TMCO4: variants seen among roughly 807,000 people sequenced by gnomAD.
TMCO4 encodes the protein transmembrane and coiled-coil domains 4.
In TMCO4, 58 loss-of-function variants were observed where a neutral mutation model predicts 64.7. The observed-to-expected ratio is 0.90, with a 90% CI of 0.73 to 1.12. The LOEUF is 1.12. Ranked by LOEUF, TMCO4 falls within the 50% of genes most tolerant of loss-of-function variation. The probability of loss-of-function intolerance (pLI) is 0.00; values close to 1 mark genes in which losing one functional copy is unlikely to be tolerated. For synonymous variants in TMCO4, 325 were observed against 346.1 expected, an observed-to-expected ratio of 0.94 and a Z score of 0.68; for missense variants, 780 against 825.9, an observed-to-expected ratio of 0.94 and a Z score of 0.68.
intron 4 of TMCO4, 105 bp from the exon 5 acceptor site, chr1:19,771,587 T>C (rs2042985694): frequency 1.9e-6 from 2 of 1,069,678 alleles, no homozygotes; most frequent in Admixed American, 5.3e-5. Context: ...GGCACGTGCC[T>C]GACTTACTGA....
intron 11 of TMCO4, among the ~76,000 whole-genome samples, 158 bp from the exon 12 acceptor site, chr1:19,740,118 T>C (rs1273657928): frequency 6.6e-6 from 1 of 152,046 alleles, no homozygotes; most frequent in Non-Finnish European, 1.5e-5. Context: ...AATCCGAAAC[T>C]CATGAATTTC....
intron 3 of TMCO4, among the ~76,000 whole-genome samples, chr1:19,784,796 G>A (rs917533028): frequency 1.8e-5 from 2 of 112,664 alleles, no homozygotes; most frequent in African/African-American, 6.8e-5. Flanking sequence ...AGAAGAATTG[G>A]TTTGGGCCAC....
At chr1:19,768,735 T>A (rs1019055795) in intron 6 of TMCO4, among the ~76,000 whole-genome samples, 3 of 152,146 alleles carry the variant, frequency 2.0e-5, no homozygotes, top group African/African-American at 7.2e-5. Context: ...AACACACTCT[T>A]TGGAGCCTTA....
chr1:19,689,952 A>C (rs2095179086), intron 15 of TMCO4, among the ~76,000 whole-genome samples: 1 of 152,212 alleles, frequency 6.6e-6, no homozygotes, highest in Non-Finnish European at 1.5e-5. Flanking sequence ...AAACAGCCTG[A>C]AGGCTGAAAG....
chr1:19,781,641 CT>C (rs1202912744), intron 3 of TMCO4, among the ~76,000 whole-genome samples: 26,811 of 134,258 alleles, frequency 0.2, 1,629 homozygotes, highest in East Asian at 0.38. Context: ...ACAGAACTTT[CT>C]TTTTTTTTTT....
chr1:19,727,609 T>C (rs1449865721), intron 13 of TMCO4, among the ~76,000 whole-genome samples: 1 of 152,184 alleles, frequency 6.6e-6, no homozygotes, highest in African/African-American at 2.4e-5. Flanking sequence ...ATTGCTTTGA[T>C]TGAAAACATC....
intron 7 of TMCO4, among the ~76,000 whole-genome samples, chr1:19,747,560 T>C (rs2041847603): frequency 6.6e-6 from 1 of 152,026 alleles, no homozygotes; most frequent in Non-Finnish European, 1.5e-5. Context: ...ACAAAAAAGA[T>C]CTTTAAACAG....
In TMCO4 at chr1:19,683,256, C is replaced by T. The variant is rs1243631595; in HGVS notation, c.1689G>A (p.Gln563=). Residue 563 remains glutamine, a synonymous_variant, in exon 16 of 16, where the codon CAG becomes CAA. Transcript: ENST00000294543. ...GETPHQVGQT[Q]GPISGDTSKL... is the part of the protein sequence containing the mutation. The stretch of plus-strand genomic sequence containing the variant: ...TGGAGGTGTCTCCGGATATGGGACC[C>T]TGGGTTTGCCCAACCTGGTGGGGGG... 2.5e-6 allele frequency: 4 copies of T among 1,614,192 alleles called. No individual in the cohort carries two copies. The highest frequency in any genetic ancestry group is 3.4e-6 in the Non-Finnish European group (4 of 1,180,026).
chr1:19,748,320 C>T (rs1300965862), intron 7 of TMCO4, among the ~76,000 whole-genome samples: 3 of 152,224 alleles, frequency 2.0e-5, no homozygotes, highest in Non-Finnish European at 2.9e-5. Flanking sequence ...ATTTCTACCT[C>T]ATAAAGTTGT....
intron 13 of TMCO4, among the ~76,000 whole-genome samples, chr1:19,725,537 T>C (rs1421808726): frequency 6.6e-6 from 1 of 152,144 alleles, no homozygotes; most frequent in Non-Finnish European, 1.5e-5. Context: ...GGTCCCATAG[T>C]GAGTGCTCAG....
At chr1:19,697,637 T>A (rs1379435760) in intron 14 of TMCO4, among the ~76,000 whole-genome samples, 6 of 150,854 alleles carry the variant, frequency 4.0e-5, no homozygotes, top group African/African-American at 1.5e-4. Flanking sequence ...CTCGCTCTGT[T>A]GCTCAGGCTG....
intron 10 of TMCO4, among the ~76,000 whole-genome samples, chr1:19,742,084 AC>A (rs2100853652): frequency 6.6e-6 from 1 of 151,722 alleles, no homozygotes; most frequent in South Asian, 2.1e-4. Context: ...CCTGCCTAAA[AC>A]CCTTCATGAG....
chr1:19,685,716 T>C (rs397863875), intron 15 of TMCO4, among the ~76,000 whole-genome samples: 31,729 of 134,748 alleles, frequency 0.24, 4,607 homozygotes, highest in African/African-American at 0.42. Context: ...GTTTCTTTTT[T>C]TTTTTTTTTT....
At chr1:19,684,541 A>G (rs117384046) in intron 15 of TMCO4, among the ~76,000 whole-genome samples, 1 of 152,162 alleles carries the variant, frequency 6.6e-6, no homozygotes, top group Admixed American at 6.5e-5. Flanking sequence ...CCGCTGTAAA[A>G]AGGGGAACAC....
At position 19,683,003 on chromosome 1, in the gene TMCO4, G is replaced by A; in HGVS notation, c.*37C>T. ...GAGGGTATAAGAGAGAGCTGCATATGGAGACTGGGGAAGACGGCTCAGGTC... is the reference window on the plus strand; with the variant it reads ...GAGGGTATAAGAGAGAGCTGCATATAGAGACTGGGGAAGACGGCTCAGGTC... On this transcript the variant is annotated 3_prime_UTR_variant, in exon 16 of 16. Coordinates refer to ENST00000294543, the MANE Select transcript of TMCO4 (RefSeq NM_181719.7). 6.5e-7 allele frequency: 1 copy of A among 1,529,596 alleles called. No individual in the cohort carries two copies. Among genetic ancestry groups the A allele is most frequent in the Non-Finnish European group, 8.8e-7 (1 of 1,142,396 alleles). The allele number at this position is 1,529,596 out of a possible 1,614,324, so 94.8% of individuals were successfully genotyped here. A position where few individuals can be genotyped will look rare whatever the true frequency, so the allele number is the denominator to read the frequency against.
chr1:19,716,466 G>A (rs1046115071), intron 13 of TMCO4, among the ~76,000 whole-genome samples: 4 of 148,206 alleles, frequency 2.7e-5, no homozygotes, highest in Non-Finnish European at 4.4e-5. Context: ...TCCCGACCTC[G>A]TGATTTGCCT....
At chr1:19,683,758 C>CTT (rs531431284) in intron 15 of TMCO4, among the ~76,000 whole-genome samples, 961 of 79,028 alleles carry the variant, frequency 0.012, 165 homozygotes, top group African/African-American at 0.044. Context: ...TTGTCTGAAG[C>CTT]TTTTTTTTTT....
At chr1:19,760,016 A>C (rs2042427666) in intron 6 of TMCO4, among the ~76,000 whole-genome samples, 1 of 151,884 alleles carries the variant, frequency 6.6e-6, no homozygotes, top group African/African-American at 2.4e-5. Flanking sequence ...TCCCACCTCC[A>C]CTGAGACTCC....
chr1:19,719,022 C>T (rs1161586756), intron 13 of TMCO4, among the ~76,000 whole-genome samples: 1 of 152,130 alleles, frequency 6.6e-6, no homozygotes, highest in East Asian at 1.9e-4. Flanking sequence ...CCAAGTACCC[C>T]GGTACTCATC....
Sources: gnomAD v4.1 joint callset for allele counts (sites outside exome capture counted in the v4.1 genomes callset) on GRCh38, gnomAD v4.1.1 for gene constraint, MANE v1.5 for transcripts, NCBI Gene and HGNC (gene_info 2026-07-23, HGNC 2026-07-21) for gene names.